Variants in NLGN1 observed in about 807,000 individuals in gnomAD.
The protein encoded by NLGN1 is neuroligin 1, also known as neuroligin-1.
NLGN1 carries 12 observed loss-of-function variants against 65.5 expected under a neutral mutation model. That is an observed-to-expected ratio of 0.18 (90% CI 0.12 to 0.30). NLGN1 has a LOEUF of 0.30. Among genes scored for constraint, NLGN1 ranks in the 10% least tolerant of loss-of-function variants. The pLI, the probability that NLGN1 is intolerant of heterozygous loss-of-function variation, is 1.00. For missense variants in NLGN1, 750 were observed against 1,007.1 expected (o/e 0.74, Z 3.46); for synonymous variants, 350 against 359.5 (o/e 0.97, Z 0.30).
chr3:174,251,543 C>T (rs981067171), intron 4 of NLGN1, among the ~76,000 whole-genome samples: 1 of 152,166 alleles, frequency 6.6e-6, no homozygotes, highest in African/African-American at 2.4e-5. Context: ...ACCAGCAGGC[C>T]TTTCCTCTTA....
At chr3:173,875,355 C>G (rs1731922574) in intron 4 of NLGN1, among the ~76,000 whole-genome samples, 1 of 152,108 alleles carries the variant, frequency 6.6e-6, no homozygotes, top group South Asian at 2.1e-4. Context: ...CTGACTCTAC[C>G]ACTGGACACT....
intron 4 of NLGN1, among the ~76,000 whole-genome samples, chr3:173,970,391 AT>A (rs138830950): frequency 1.4e-3 from 213 of 152,258 alleles, no homozygotes; most frequent in African/African-American, 4.9e-3. Context: ...GGTGAAGGGC[AT>A]TTTAGCTAGA....
intron 2 of NLGN1, among the ~76,000 whole-genome samples, chr3:173,599,242 A>G (rs796590609): frequency 1.4e-4 from 21 of 152,270 alleles, no homozygotes; most frequent in African/African-American, 4.6e-4. Flanking sequence ...TTAAGTATTC[A>G]TTTGCTGAAA....
At chr3:173,892,578 A>AAG (rs1270655624) in intron 4 of NLGN1, among the ~76,000 whole-genome samples, 1 of 151,346 alleles carries the variant, frequency 6.6e-6, no homozygotes, top group Non-Finnish European at 1.5e-5. Context: ...GGCAAACTAA[A>AAG]AAAAAAAAAA....
chr3:173,489,881 T>G (rs1054620821), intron 2 of NLGN1, among the ~76,000 whole-genome samples: 1 of 152,194 alleles, frequency 6.6e-6, no homozygotes, highest in Non-Finnish European at 1.5e-5. Flanking sequence ...CATAAATGTC[T>G]TCTTTTGAGA....
Position 173,485,921 on chromosome 3 carries a change from C to T in NLGN1, c.-321+50843C>T, listed in dbSNP as rs114593539. On this transcript the variant is annotated intron_variant, in intron 2 of 6. Transcript: ENST00000457714. ...AGTCCAGGAAATGTCACATTTCTTT[C>T]TTTAGGTCTTATCTTTTTGTTTTGT... 9.0e-3 allele frequency among the ~76,000 whole-genome samples: 1,372 copies of T among 152,124 alleles called. 24 individuals carry two copies. Among genetic ancestry groups the T allele is most frequent in the African/African-American group, 0.032 (1,322 of 41,504 alleles).
intron 2 of NLGN1, among the ~76,000 whole-genome samples, chr3:173,484,414 A>T (rs1362943074): frequency 1.3e-5 from 2 of 152,306 alleles, no homozygotes; most frequent in South Asian, 4.1e-4. Flanking sequence ...AACAAAATTT[A>T]AAAGATGGAA....
intron 4 of NLGN1, among the ~76,000 whole-genome samples, chr3:174,114,594 TTC>T (rs1715958397): frequency 6.6e-6 from 1 of 152,154 alleles, no homozygotes; most frequent in Admixed American, 6.6e-5. Context: ...TAGCCATCTT[TTC>T]TCTTTTTTCA....
Position 173,502,162 on chromosome 3 carries a change from A to G in NLGN1, c.-321+67084A>G, listed in dbSNP as rs759192655. ...AAGTGGTGAGTAGTTCATTTTGACA[A>G]CAATCAACTCTATTATCAAGAGTGG... On this transcript the variant is annotated intron_variant, in intron 2 of 6. Transcript: ENST00000457714. Among the ~76,000 whole-genome samples the G allele has an allele frequency of 5.3e-5, 8 of 152,242 alleles. No homozygotes were observed. In the East Asian group the frequency reaches 1.5e-3, roughly 29 times the overall value.
chr3:173,579,416 G>A (rs189112680), intron 2 of NLGN1, among the ~76,000 whole-genome samples: 57 of 152,356 alleles, frequency 3.7e-4, no homozygotes, highest in Admixed American at 1.6e-3. Flanking sequence ...GTTTGAGGCC[G>A]CAGTGAGCCA....
At chr3:174,164,987 C>T (rs978209326) in intron 4 of NLGN1, among the ~76,000 whole-genome samples, 21 of 152,002 alleles carry the variant, frequency 1.4e-4, no homozygotes, top group African/African-American at 4.8e-4. Context: ...TTGTTTCTGT[C>T]ATCTCTGATT....
chr3:173,789,398 A>G (rs1712135114), intron 3 of NLGN1, among the ~76,000 whole-genome samples: 1 of 152,194 alleles, frequency 6.6e-6, no homozygotes, highest in Non-Finnish European at 1.5e-5. Context: ...AATGCCTATT[A>G]CATTAAACTT....
chr3:173,448,364 T>C (rs1021901869), intron 2 of NLGN1, among the ~76,000 whole-genome samples: 9 of 152,356 alleles, frequency 5.9e-5, no homozygotes, highest in African/African-American at 2.2e-4. Flanking sequence ...TGGATTACGT[T>C]TATTGATTTT....
chr3:173,605,391 A>G, intron 3 of NLGN1, 143 bp from the exon 3 acceptor site: 1 of 441,620 alleles, frequency 2.3e-6, no homozygotes, highest in Non-Finnish European at 4.0e-6. Context: ...ACATTTCCTC[A>G]TTGCATGTGC....
At chr3:174,103,221 A>G (rs1712946849) in intron 4 of NLGN1, among the ~76,000 whole-genome samples, 1 of 152,204 alleles carries the variant, frequency 6.6e-6, no homozygotes, top group African/African-American at 2.4e-5. Context: ...GAAATGTTTC[A>G]AGAAAGGTTT....
intron 4 of NLGN1, among the ~76,000 whole-genome samples, chr3:173,985,250 C>T (rs1025855341): frequency 2.0e-5 from 3 of 152,146 alleles, no homozygotes; most frequent in Admixed American, 2.0e-4. Context: ...ACAATTTGAA[C>T]CTTTTTGCTT....
At chr3:173,856,797 A>T (rs1172315232) in intron 4 of NLGN1, among the ~76,000 whole-genome samples, 1 of 152,146 alleles carries the variant, frequency 6.6e-6, no homozygotes, top group Admixed American at 6.6e-5. Flanking sequence ...CACAAGGCTT[A>T]AAATATTATC....
intron 4 of NLGN1, among the ~76,000 whole-genome samples, chr3:174,265,781 A>ATATATATG (rs540243032): frequency 1.8e-4 from 24 of 134,728 alleles, no homozygotes; most frequent in South Asian, 1.1e-3. Context: ...ATATATATAT[A>ATATATATG]TGTATATATA....
chr3:173,785,644 A>G (rs1781832260), intron 3 of NLGN1, among the ~76,000 whole-genome samples: 1 of 152,048 alleles, frequency 6.6e-6, no homozygotes, highest in Admixed American at 6.5e-5. Context: ...TTAATGGCAT[A>G]CAGAGGTATA....
Sources: gnomAD v4.1 joint callset for allele counts (sites outside exome capture counted in the v4.1 genomes callset) on GRCh38, gnomAD v4.1.1 for gene constraint, MANE v1.5 for transcripts, NCBI Gene and HGNC (gene_info 2026-07-23, HGNC 2026-07-21) for gene names.